Variants in COL23A1 observed in about 807,000 individuals in gnomAD.
The protein encoded by COL23A1 is collagen alpha-1(XXIII) chain.
Under a neutral mutation model 99.3 loss-of-function variants are expected in COL23A1, and 97 were observed. The observed-to-expected ratio is 0.98, with a 90% CI of 0.83 to 1.16. COL23A1 has a LOEUF of 1.16. COL23A1 is among the 50% of genes most tolerant of loss of function. The pLI, the probability that COL23A1 is intolerant of heterozygous loss-of-function variation, is 0.00. For synonymous variants in COL23A1, 320 were observed against 308.2 expected (o/e 1.04, Z -0.40); for missense variants, 762 against 757.4 (o/e 1.01, Z -0.07).
At chr5:178,358,693 A>C (rs911517943) in intron 2 of COL23A1, among the ~76,000 whole-genome samples, 1 of 132,958 alleles carries the variant, frequency 7.5e-6, no homozygotes, top group Non-Finnish European at 1.6e-5. Context: ...ATGTGTGTGT[A>C]TGTATGTGTA....
chr5:178,477,694 G>GT (rs1307252038), intron 2 of COL23A1, among the ~76,000 whole-genome samples: 1 of 152,192 alleles, frequency 6.6e-6, no homozygotes, highest in African/African-American at 2.4e-5. Context: ...GTGAAAACAT[G>GT]TATGTGTGCA....
chr5:178,574,164 G>A (rs1366905047), intron 1 of COL23A1, among the ~76,000 whole-genome samples: 2 of 152,004 alleles, frequency 1.3e-5, no homozygotes, highest in East Asian at 3.9e-4. Flanking sequence ...TGGACCTGAG[G>A]GTTCTATTTA....
intron 2 of COL23A1, among the ~76,000 whole-genome samples, chr5:178,465,730 C>T (rs1426759490): frequency 6.6e-6 from 1 of 152,184 alleles, no homozygotes; most frequent in Non-Finnish European, 1.5e-5. Flanking sequence ...GCGGTCACGT[C>T]CTCACGAGAT....
chr5:178,338,517 T>G (rs1433576522), intron 2 of COL23A1, among the ~76,000 whole-genome samples: 1 of 151,650 alleles, frequency 6.6e-6, no homozygotes, highest in Admixed American at 6.6e-5. Context: ...GCGCAGCAGG[T>G]TGCTCCCCCA....
At chr5:178,252,690 T>C in intron 16 of COL23A1, 93 bp from the exon 17 acceptor site, 1 of 1,107,102 alleles carries the variant, frequency 9.0e-7, no homozygotes, top group Non-Finnish European at 1.3e-6. Context: ...CAAGTCCCCG[T>C]CCAGCTGAGC....
chr5:178,364,087 CCGGG>C (rs1046194862), intron 2 of COL23A1, among the ~76,000 whole-genome samples: 1 of 152,202 alleles, frequency 6.6e-6, no homozygotes, highest in Non-Finnish European at 1.5e-5. Context: ...CGGTCCCGCC[CCGGG>C]TCACATGGGG....
At chr5:178,323,823 C>T (rs911753477) in intron 2 of COL23A1, among the ~76,000 whole-genome samples, 7 of 152,104 alleles carry the variant, frequency 4.6e-5, no homozygotes, top group African/African-American at 1.2e-4. Context: ...TCTTCTAGTC[C>T]GTGCAGCCCT....
At chr5:178,435,703 G>C (rs1406565098) in intron 2 of COL23A1, among the ~76,000 whole-genome samples, 1 of 152,172 alleles carries the variant, frequency 6.6e-6, no homozygotes, top group Non-Finnish European at 1.5e-5. Flanking sequence ...GGTGTTGAGA[G>C]GGAAAGCTGC....
At chr5:178,312,582 C>A (rs1758759452) in intron 2 of COL23A1, among the ~76,000 whole-genome samples, 1 of 151,716 alleles carries the variant, frequency 6.6e-6, no homozygotes, top group African/African-American at 2.4e-5. Context: ...CCCGCCCAGC[C>A]CTCCCGGCAC....
rs751570232 is a variant in COL23A1 at position 178,569,661 on chromosome 5, G to A, written c.295-8913C>T. Among the ~76,000 whole-genome samples the A allele has an allele frequency of 2.6e-5, 4 of 152,154 alleles. No individual in the cohort carries two copies. In the South Asian group the frequency reaches 6.2e-4, roughly 24 times the overall value. ...GCAGTTGGTCTCTGCTCAGGTTCTCGAGGCTGAAATCAATGAGTCAGCTGG... is the reference window on the plus strand; with the variant it reads ...GCAGTTGGTCTCTGCTCAGGTTCTCAAGGCTGAAATCAATGAGTCAGCTGG... On this transcript the variant is annotated intron_variant, in intron 1 of 28. Transcript: ENST00000390654.
At chr5:178,274,990 G>A (rs370551309) in intron 5 of COL23A1, among the ~76,000 whole-genome samples, 79 of 152,320 alleles carry the variant, frequency 5.2e-4, no homozygotes, top group South Asian at 8.3e-4. Context: ...GGATGTTTCC[G>A]GATGTGTGAG....
chr5:178,575,085 G>C (rs1374767453), intron 1 of COL23A1, among the ~76,000 whole-genome samples: 3 of 152,174 alleles, frequency 2.0e-5, no homozygotes, highest in African/African-American at 7.2e-5. Flanking sequence ...TAGGGTCAAG[G>C]GGAGCCAGGC....
chr5:178,424,385 G>A (rs1212991341), intron 2 of COL23A1, among the ~76,000 whole-genome samples: 4 of 152,362 alleles, frequency 2.6e-5, no homozygotes, highest in Middle Eastern at 3.4e-3. Flanking sequence ...ACTGTGCTCT[G>A]CGGGACGCAC....
At position 178,502,187 on chromosome 5, in the gene COL23A1, A is replaced by G. The variant is rs145730276; in HGVS notation, c.361+58495T>C. On this transcript the variant is annotated intron_variant, in intron 2 of 28. Coordinates refer to ENST00000390654, the MANE Select transcript of COL23A1 (RefSeq NM_173465.4). ...CGCTCTGTCGCCCAGGCTGGAGTGC[A>G]GTGGCGTGATCTCGGCCCACTGCAA... Among the ~76,000 whole-genome samples, 4 of 152,328 alleles carry G rather than the reference A, an allele frequency of 2.6e-5. No individual in the cohort carries two copies. The East Asian group carries it at 5.8e-4, about 22-fold the overall frequency.
chr5:178,326,797 G>A (rs754021323), intron 2 of COL23A1, among the ~76,000 whole-genome samples: 1 of 152,220 alleles, frequency 6.6e-6, no homozygotes, highest in Non-Finnish European at 1.5e-5. Flanking sequence ...TCGGCTCACT[G>A]CAACCTCTGC....
intron 2 of COL23A1, among the ~76,000 whole-genome samples, chr5:178,530,510 C>T (rs1309398669): frequency 2.6e-5 from 4 of 152,122 alleles, no homozygotes; most frequent in East Asian, 3.8e-4. Flanking sequence ...ATGAGCCAGA[C>T]AGAATCACTT....
rs1755956781 is a variant in COL23A1, at chr5:178,267,305, A to G, written c.522+2T>C. The G allele has an allele frequency of 1.2e-6, 2 of 1,614,082 alleles. No individual in the cohort carries two copies. The highest frequency in any genetic ancestry group is 1.7e-6 in the Non-Finnish European group (2 of 1,179,968). On this transcript the variant is annotated splice_donor_variant, in intron 8 of 28. Transcript: ENST00000390654. LOFTEE classifies it high-confidence loss of function. ...GTGAGGGAGGTCATGCCTGGTTCTT[A>G]CCCGGGGGCCAAAGTCTCCTGGTGC... is the stretch of plus-strand genomic sequence containing the variant.
intron 2 of COL23A1, among the ~76,000 whole-genome samples, chr5:178,537,632 G>A (rs1005076060): frequency 2.1e-4 from 32 of 152,340 alleles, no homozygotes; most frequent in African/African-American, 6.5e-4. Context: ...GGACACCACG[G>A]TCTGCCGAAG....
chr5:178,554,525 C>T (rs1393881705), intron 2 of COL23A1, among the ~76,000 whole-genome samples: 1 of 152,194 alleles, frequency 6.6e-6, no homozygotes, highest in Non-Finnish European at 1.5e-5. Flanking sequence ...TACACCTTTG[C>T]AAACCACCTG....
Sources: allele counts gnomAD v4.1 joint callset (sites outside exome capture counted in the v4.1 genomes callset), GRCh38; gene constraint gnomAD v4.1.1; transcripts MANE v1.5; gene names NCBI Gene and HGNC (gene_info 2026-07-23, HGNC 2026-07-21).